The following RBFOX1 variants were observed in gnomAD, a reference collection of about 807,000 sequenced individuals.
The protein encoded by RBFOX1 is RNA binding protein fox-1 homolog 1.
A neutral mutation model predicts 57.7 loss-of-function variants in RBFOX1; 8 were observed. That is an observed-to-expected ratio of 0.14 (90% CI 0.08 to 0.25). The LOEUF is 0.25. Ranked by LOEUF, RBFOX1 falls within the 10% of genes least tolerant of loss-of-function variation. The pLI is 1.00. For missense variants in RBFOX1, 611 were observed against 548.5 expected, an observed-to-expected ratio of 1.11 and a Z score of -1.14; for synonymous variants, 326 against 222.4, an observed-to-expected ratio of 1.47 and a Z score of -4.15.
intron 3 of RBFOX1, among the ~76,000 whole-genome samples, chr16:6,683,394 T>C (rs964989229): frequency 1.1e-4 from 16 of 152,156 alleles, no homozygotes; most frequent in African/African-American, 3.9e-4. Context: ...TAGGAGACTG[T>C]CTTTATTAGG....
chr16:7,333,666 T>A (rs1369484643), intron 4 of RBFOX1, among the ~76,000 whole-genome samples: 2 of 152,210 alleles, frequency 1.3e-5, no homozygotes, highest in African/African-American at 4.8e-5. Flanking sequence ...TACATCTTAA[T>A]GATGGCAAGA....
At chr16:6,664,812 G>T (rs1291239705) in intron 3 of RBFOX1, among the ~76,000 whole-genome samples, 3 of 152,188 alleles carry the variant, frequency 2.0e-5, no homozygotes, top group Admixed American at 1.3e-4. Flanking sequence ...AAAAGGCAAG[G>T]TAGTACAGTT....
chr16:7,073,039 G>C (rs2057640904), intron 4 of RBFOX1, among the ~76,000 whole-genome samples: 1 of 152,168 alleles, frequency 6.6e-6, no homozygotes, highest in Admixed American at 6.5e-5. Flanking sequence ...GGTTAACTGT[G>C]ACACAGAGGC....
At chr16:7,379,888 T>G (rs1448697782) in intron 4 of RBFOX1, among the ~76,000 whole-genome samples, 1 of 152,054 alleles carries the variant, frequency 6.6e-6, no homozygotes, top group Admixed American at 6.6e-5. Flanking sequence ...AGTCTTGCCT[T>G]TATCACCCAC....
At chr16:5,808,917 C>T (rs571530113) in intron 3 of RBFOX1, among the ~76,000 whole-genome samples, 1 of 152,270 alleles carries the variant, frequency 6.6e-6, no homozygotes, top group African/African-American at 2.4e-5. Context: ...TTGTTTCCTT[C>T]TCCTGCCTAA....
intron 2 of RBFOX1, among the ~76,000 whole-genome samples, chr16:6,546,081 TATA>T (rs2096890901): frequency 6.6e-6 from 1 of 152,206 alleles, no homozygotes; most frequent in Admixed American, 6.5e-5. Flanking sequence ...AGAAAAAGAT[TATA>T]ATGTTTTAAG....
At chr16:7,460,528 T>C (rs1010820853) in intron 4 of RBFOX1, among the ~76,000 whole-genome samples, 12 of 147,400 alleles carry the variant, frequency 8.1e-5, no homozygotes, top group Non-Finnish European at 1.8e-4. Flanking sequence ...AATATACATA[T>C]ATATTAGAGG....
At chr16:6,127,018 G>A (rs748700451) in intron 1 of RBFOX1, among the ~76,000 whole-genome samples, 22 of 152,096 alleles carry the variant, frequency 1.4e-4, no homozygotes, top group Admixed American at 3.9e-4. Flanking sequence ...CTGAAAAGAC[G>A]GTGTTTCCAC....
At position 7,569,043 on chromosome 16, in the gene RBFOX1, C is replaced by G. The variant is rs531686321; in HGVS notation, c.271-10734C>G. Among the ~76,000 whole-genome samples, 7 of 152,244 alleles carry G rather than the reference C, an allele frequency of 4.6e-5. No homozygotes were observed. In the South Asian group the frequency reaches 1.0e-3, roughly 23 times the overall value. On this transcript the variant is annotated intron_variant, in intron 5 of 15. Transcript: ENST00000550418. The stretch of plus-strand genomic sequence containing the variant: ...CATTGTCCTAGGGAAGACTTTCTTT[C>G]TCTACTTTCCTCCCTTTTAAACCCA...
At chr16:7,414,093 A>G (rs2149180632) in intron 4 of RBFOX1, among the ~76,000 whole-genome samples, 1 of 152,354 alleles carries the variant, frequency 6.6e-6, no homozygotes, top group East Asian at 1.9e-4. Flanking sequence ...TGTACATGTT[A>G]CAAAGAAACC....
At chr16:5,819,747 A>C (rs1334953853) in intron 3 of RBFOX1, among the ~76,000 whole-genome samples, 5 of 152,186 alleles carry the variant, frequency 3.3e-5, no homozygotes, top group African/African-American at 1.2e-4. Context: ...TTATCCTTTA[A>C]GACATGGCTT....
At chr16:7,280,227 C>T (rs1312796401) in intron 4 of RBFOX1, among the ~76,000 whole-genome samples, 1 of 152,186 alleles carries the variant, frequency 6.6e-6, no homozygotes, top group Non-Finnish European at 1.5e-5. Flanking sequence ...GCCTTGCCTT[C>T]ATTGCAAAAT....
At chr16:7,501,010 T>C in intron 4 of RBFOX1, among the ~76,000 whole-genome samples, 1 of 152,210 alleles carries the variant, frequency 6.6e-6, no homozygotes, top group Admixed American at 6.5e-5. Flanking sequence ...GAAGGACATA[T>C]TTGCTTCCCC....
intron 3 of RBFOX1, among the ~76,000 whole-genome samples, chr16:5,785,581 G>T (rs568597201): frequency 5.3e-5 from 8 of 152,048 alleles, no homozygotes; most frequent in Middle Eastern, 3.4e-3. Flanking sequence ...AGACTGGAGT[G>T]CAATGGCATG....
intron 4 of RBFOX1, among the ~76,000 whole-genome samples, chr16:7,169,534 A>G (rs1217261036): frequency 1.3e-5 from 2 of 152,194 alleles, no homozygotes; most frequent in Non-Finnish European, 2.9e-5. Flanking sequence ...GGAGGGTAAA[A>G]TCCCCTTGTA....
chr16:6,966,395 G>A (rs538384278), intron 3 of RBFOX1, among the ~76,000 whole-genome samples: 10 of 152,250 alleles, frequency 6.6e-5, no homozygotes, highest in African/African-American at 2.2e-4. Context: ...ACAGCCAGGA[G>A]GAAGGGGTAC....
chr16:7,428,616 C>G (rs952747021), intron 4 of RBFOX1, among the ~76,000 whole-genome samples: 16 of 151,250 alleles, frequency 1.1e-4, no homozygotes, highest in Non-Finnish European at 2.1e-4. Context: ...GGTGATCCAC[C>G]TGCCTTGGCC....
intron 1 of RBFOX1, among the ~76,000 whole-genome samples, chr16:5,350,136 C>A (rs755626792): frequency 6.6e-6 from 1 of 152,100 alleles, no homozygotes; most frequent in African/African-American, 2.4e-5. Context: ...GTTTCGGTTC[C>A]CTGCATGTGC....
intron 4 of RBFOX1, among the ~76,000 whole-genome samples, chr16:7,238,152 A>G (rs1050827626): frequency 4.6e-5 from 7 of 152,220 alleles, no homozygotes; most frequent in African/African-American, 1.2e-4. Context: ...CACAAAGACA[A>G]AAAGTGGCAT....
Sources: allele counts gnomAD v4.1 joint callset (sites outside exome capture counted in the v4.1 genomes callset), GRCh38; gene constraint gnomAD v4.1.1; transcripts MANE v1.5; gene names NCBI Gene and HGNC (gene_info 2026-07-23, HGNC 2026-07-21).